Variants in LIN28B observed in about 807,000 individuals in gnomAD.
The protein encoded by LIN28B is lin-28 RNA binding posttranscriptional regulator B.
Under a neutral mutation model 21.9 loss-of-function variants are expected in LIN28B, and 5 were observed. The observed-to-expected ratio is 0.23, with a 90% CI of 0.12 to 0.48. The LOEUF (loss-of-function observed/expected upper bound fraction) is 0.48, where lower values mean the gene tolerates loss of function less well. Among genes scored for constraint, LIN28B ranks in the 20% least tolerant of loss-of-function variants. LIN28B has a pLI of 0.98. For missense variants in LIN28B, 245 were observed against 310.5 expected, an observed-to-expected ratio of 0.79 and a Z score of 1.58; for synonymous variants, 109 against 111.3, an observed-to-expected ratio of 0.98 and a Z score of 0.13.
chr6:104,950,327 T>TA (rs945704706), intron 2 of LIN28B: 23 of 434,968 alleles, frequency 5.3e-5, no homozygotes, highest in East Asian at 7.2e-5. Context: ...TCTTAAACTG[T>TA]AAAAAAAAGT....
chr6:104,953,916 A>T (rs1778252937), upstream of LIN28B, among the ~76,000 whole-genome samples: 1 of 152,210 alleles, frequency 6.6e-6, no homozygotes, highest in Admixed American at 6.5e-5. Flanking sequence ...CTTATAATTG[A>T]AAACAACGAC....
intron 2 of LIN28B, among the ~76,000 whole-genome samples, chr6:104,963,147 C>T (rs1769784257): frequency 6.6e-6 from 1 of 152,104 alleles, no homozygotes; most frequent in African/African-American, 2.4e-5. Context: ...TCCGGGTTCA[C>T]GCCATTCTCC....
rs1772512003 is a variant in LIN28B, at chr6:105,080,054, A to C, written c.*1271A>C. 1 of 152,242 alleles carries C rather than the reference A, an allele frequency of 6.6e-6. No individual in the cohort carries two copies. Among genetic ancestry groups the C allele is most frequent in the African/African-American group, 2.4e-5 (1 of 41,454 alleles). The allele number at this position is 152,242 out of a possible 1,614,324, so 9.4% of individuals were successfully genotyped here. On this transcript the variant is annotated 3_prime_UTR_variant, in exon 4 of 4. Coordinates refer to ENST00000345080, the MANE Select transcript of LIN28B (RefSeq NM_001004317.4). ...TATACAGTAACTTTGATCTTATGGA[A>C]GTGACCTTCAATGCTTATTCTGAAG... is the stretch of plus-strand genomic sequence containing the variant.
At chr6:105,023,296 T>TAATATATATA (rs1771179049) in intron 2 of LIN28B, among the ~76,000 whole-genome samples, 4 of 24,322 alleles carry the variant, frequency 1.6e-4, no homozygotes, top group Non-Finnish European at 2.7e-4. Context: ...ATAATATATA[T>TAATATATATA]ATTTATATAT....
At chr6:105,000,833 A>G (rs974930460) in intron 2 of LIN28B, among the ~76,000 whole-genome samples, 7 of 152,204 alleles carry the variant, frequency 4.6e-5, no homozygotes, top group Non-Finnish European at 1.5e-5. Context: ...ATGTACAGAA[A>G]GCTGAATTAA....
intron 3 of LIN28B, among the ~76,000 whole-genome samples, chr6:105,064,735 G>A (rs1445787605): frequency 6.6e-6 from 1 of 152,082 alleles, no homozygotes; most frequent in Non-Finnish European, 1.5e-5. Context: ...ACACCAGTCA[G>A]GGTATCATTC....
intron 2 of LIN28B, among the ~76,000 whole-genome samples, chr6:104,943,437 C>G (rs888778261): frequency 6.6e-6 from 1 of 151,930 alleles, no homozygotes; most frequent in Non-Finnish European, 1.5e-5. Context: ...ATAATTGAAG[C>G]GCTAGGCACA....
chr6:104,949,639 A>G (rs1427275581), intron 2 of LIN28B, among the ~76,000 whole-genome samples: 1 of 152,192 alleles, frequency 6.6e-6, no homozygotes, highest in African/African-American at 2.4e-5. Context: ...TGGGTGTAGC[A>G]GGTGAGTGCA....
intron 2 of LIN28B, among the ~76,000 whole-genome samples, chr6:105,017,968 G>A (rs1771063076): frequency 1.3e-5 from 2 of 152,164 alleles, no homozygotes; most frequent in Non-Finnish European, 2.9e-5. Flanking sequence ...AAGTGCTTAA[G>A]ATGTCAATCA....
intron 3 of LIN28B, among the ~76,000 whole-genome samples, chr6:105,037,781 G>T (rs1771555251): frequency 6.6e-6 from 1 of 152,016 alleles, no homozygotes; most frequent in Non-Finnish European, 1.5e-5. Flanking sequence ...AAAGTGCTGG[G>T]ATTACAGACG....
rs576755143 is a variant in LIN28B at position 105,068,047 on chromosome 6, G to A, written c.384-10367G>A. ...TAAGATGATGAAAGGTTTGTGAATA[G>A]AGCTATTACTGTATTTTAGCTGGTT... On this transcript the variant is annotated intron_variant, in intron 3 of 3. Coordinates refer to ENST00000345080, the MANE Select transcript of LIN28B (RefSeq NM_001004317.4). Among the ~76,000 whole-genome samples the A allele has an allele frequency of 8.5e-5, 13 of 152,190 alleles. No homozygotes were observed. The South Asian group carries it at 2.7e-3, about 32-fold the overall frequency.
chr6:105,017,647 C>G (rs1255644367), intron 2 of LIN28B, among the ~76,000 whole-genome samples: 1 of 151,876 alleles, frequency 6.6e-6, no homozygotes, highest in Non-Finnish European at 1.5e-5. Context: ...GAGCAGAAAA[C>G]CAAATATTGC....
intron 2 of LIN28B, among the ~76,000 whole-genome samples, chr6:104,967,896 G>C (rs888513408): frequency 3.3e-5 from 5 of 151,996 alleles, no homozygotes; most frequent in Non-Finnish European, 4.4e-5. Context: ...ACAGAATCTT[G>C]CCTTGTTGAC....
At chr6:104,995,993 T>C (rs1396420673) in intron 2 of LIN28B, among the ~76,000 whole-genome samples, 3 of 150,950 alleles carry the variant, frequency 2.0e-5, no homozygotes, top group Non-Finnish European at 3.0e-5. Flanking sequence ...AATACACATA[T>C]ATACATACCC....
intron 2 of LIN28B, among the ~76,000 whole-genome samples, chr6:104,946,833 T>C (rs191096723): frequency 3.4e-4 from 52 of 152,290 alleles, no homozygotes; most frequent in African/African-American, 1.1e-3. Context: ...TTTACACTTA[T>C]GTTATTTTAG....
chr6:104,948,644 T>C (rs1028873267), intron 2 of LIN28B, among the ~76,000 whole-genome samples: 5 of 152,222 alleles, frequency 3.3e-5, no homozygotes, highest in Admixed American at 1.3e-4. Context: ...AGCTTATACC[T>C]GTCTCATTCC....
At chr6:104,958,533 C>T (rs1294156016) in intron 2 of LIN28B, among the ~76,000 whole-genome samples, 1 of 152,108 alleles carries the variant, frequency 6.6e-6, no homozygotes. Context: ...ATTAGCATTT[C>T]CCCCTGCTTC....
intron 3 of LIN28B, among the ~76,000 whole-genome samples, chr6:105,058,313 CT>C (rs1250214753): frequency 6.6e-6 from 1 of 152,186 alleles, no homozygotes; most frequent in East Asian, 1.9e-4. Flanking sequence ...GTTATCTTGC[CT>C]TTTCCCTTCT....
chr6:104,997,732 A>G (rs952486292), intron 2 of LIN28B, among the ~76,000 whole-genome samples: 1 of 152,218 alleles, frequency 6.6e-6, no homozygotes. Context: ...CAGAATTTAT[A>G]ATCTGCACAT....
Sources: gnomAD v4.1 joint callset for allele counts (sites outside exome capture counted in the v4.1 genomes callset) on GRCh38, gnomAD v4.1.1 for gene constraint, MANE v1.5 for transcripts, NCBI Gene and HGNC (gene_info 2026-07-23, HGNC 2026-07-21) for gene names.